The following CD53 variants were observed in gnomAD, a reference collection of about 807,000 sequenced individuals.
The protein encoded by CD53 is leukocyte surface antigen CD53.
CD53 carries 20 observed loss-of-function variants against 27.3 expected under a neutral mutation model. The observed-to-expected ratio is 0.73, with a 90% CI of 0.52 to 1.07. CD53 has a LOEUF of 1.07. Ranked by LOEUF, CD53 falls within the 50% of genes least tolerant of loss-of-function variation. The pLI, the probability that CD53 is intolerant of heterozygous loss-of-function variation, is 0.00. For synonymous variants in CD53, 106 were observed against 105.3 expected (o/e 1.01, Z -0.04); for missense variants, 216 against 264.0 (o/e 0.82, Z 1.26).
chr1:110,871,426 T>C (rs1024382671), upstream of CD53, among the ~76,000 whole-genome samples: 2 of 152,098 alleles, frequency 1.3e-5, no homozygotes, highest in African/African-American at 4.8e-5. Context: ...TGAACGTGGC[T>C]GAAAGGCCAG....
At chr1:110,888,690 A>G (rs557703757) in intron 1 of CD53, among the ~76,000 whole-genome samples, 1 of 152,334 alleles carries the variant, frequency 6.6e-6, no homozygotes, top group South Asian at 2.1e-4. Context: ...AGTTATCTCA[A>G]TATGTACAAA....
chr1:110,896,384 C>T (rs765635110), intron 5 of CD53, among the ~76,000 whole-genome samples: 32 of 152,286 alleles, frequency 2.1e-4, no homozygotes, highest in Non-Finnish European at 4.1e-4. Flanking sequence ...CTAATCCCTC[C>T]ATTATGCAGT....
At position 110,895,600 on chromosome 1, in the gene CD53, T is replaced by C. The variant is rs7516428; in HGVS notation, c.423+545T>C. ...AAACAGTACCACTATGAAAGCACGC[T>C]GGCTTAGTGTGGAGTAGAAGAAATG... On this transcript the variant is annotated intron_variant, in intron 5 of 7. Transcript: ENST00000271324. Among the ~76,000 whole-genome samples the C allele has an allele frequency of 2.8e-3, 428 of 152,320 alleles. 2 individuals carry two copies. The highest frequency in any genetic ancestry group is 9.9e-3 in the African/African-American group (411 of 41,572).
rs1557821729 is a variant in CD53 at position 110,896,822 on chromosome 1, T to G, written c.504+89T>G. The G allele has an allele frequency of 1.7e-5, 19 of 1,095,662 alleles. No homozygotes were observed. The South Asian group carries it at 2.5e-4, about 14-fold the overall frequency. 67.9% of individuals were successfully genotyped at this position (1,095,662 alleles called of 1,614,324 possible). On this transcript the variant is annotated intron_variant, in intron 6 of 7. Coordinates refer to ENST00000271324, the MANE Select transcript of CD53 (RefSeq NM_000560.4). ...ACTGCAGTCATAGAGGACCTAGACCTTCTATTGAGAAACAGGGGACCTTGA... is the reference window on the plus strand; with the variant it reads ...ACTGCAGTCATAGAGGACCTAGACCGTCTATTGAGAAACAGGGGACCTTGA...
chr1:110,892,623 C>A, intron 3 of CD53, 90 bp downstream of exon 3: 1 of 1,043,378 alleles, frequency 9.6e-7, no homozygotes, highest in Non-Finnish European at 1.4e-6. Context: ...CACTTATAGG[C>A]ACAGAAAGAT....
In CD53 at chr1:110,896,645, G is replaced by C; in HGVS notation, c.424-8G>C. On this transcript the variant is annotated splice_region_variant and splice_polypyrimidine_tract_variant and intron_variant, in intron 5 of 7. Transcript: ENST00000271324. ...TAACCATCATCATTTTGGGGGTTTGGCTTTTAGCTGCAGTGTTGTGGTATA... is the reference window on the plus strand; with the variant it reads ...TAACCATCATCATTTTGGGGGTTTGCCTTTTAGCTGCAGTGTTGTGGTATA... The C allele has an allele frequency of 6.2e-7, 1 of 1,611,276 alleles. No homozygotes were observed. The highest frequency in any genetic ancestry group is 1.7e-5 in the Admixed American group (1 of 59,226).
rs1157998051 is a variant in CD53 at position 110,899,002 on chromosome 1, AT to A, written c.589-121del. On this transcript the variant is annotated intron_variant, in intron 7 of 7. Transcript: ENST00000271324. ...AGCTCCTGAGAGAGACTTGAAAGTA[AT>A]GGTTGGAAGGGTGGTTTCAGTGTAA... The A allele has an allele frequency of 7.4e-5, 50 of 672,920 alleles. No individual in the cohort carries two copies. The Middle Eastern group carries it at 7.5e-4, about 10-fold the overall frequency. 41.7% of individuals were successfully genotyped at this position (672,920 alleles called of 1,614,324 possible).
chr1:110,885,210 T>C (rs1399694697), intron 1 of CD53, among the ~76,000 whole-genome samples: 1 of 152,216 alleles, frequency 6.6e-6, no homozygotes, highest in Non-Finnish European at 1.5e-5. Flanking sequence ...TTATTATTAA[T>C]GCAATGCAAT....
chr1:110,881,245 TCACCTCCTGCCCTCCCC>T (rs1656344689), intron 1 of CD53, among the ~76,000 whole-genome samples: 1 of 152,110 alleles, frequency 6.6e-6, no homozygotes, highest in Non-Finnish European at 1.5e-5. Context: ...CCCTCTCTAC[TCACCTCCTGCCCTCCCC>T]CACCTTCATC....
chr1:110,897,383 C>A (rs575494158), intron 6 of CD53, among the ~76,000 whole-genome samples: 109 of 152,332 alleles, frequency 7.2e-4, no homozygotes, highest in African/African-American at 2.5e-3. Context: ...CAACCACTGA[C>A]CAGCAACTGC....
Position 110,892,556 on chromosome 1 carries a change from G to A in CD53, c.252+23G>A, listed in dbSNP as rs747541774. ...TCGGTGAGTCCTTACAGCAGATGTG[G>A]TGCCCCAAGTCGGGGAGATGGTGCC... On this transcript the variant is annotated intron_variant, in intron 3 of 7. Transcript: ENST00000271324. 24 of 1,590,508 alleles carry A rather than the reference G, an allele frequency of 1.5e-5. 1 individual carries two copies. The South Asian group carries it at 2.6e-4, about 17-fold the overall frequency.
In CD53 at chr1:110,887,365, AT is replaced by A. The variant is rs541108934; in HGVS notation, c.-17-4020del. Among the ~76,000 whole-genome samples the A allele has an allele frequency of 2.3e-3, 343 of 152,134 alleles. 1 individual carries two copies. Among genetic ancestry groups the A allele is most frequent in the African/African-American group, 7.8e-3 (324 of 41,516 alleles). On this transcript the variant is annotated intron_variant, in intron 1 of 7. Transcript: ENST00000271324. Reference sequence around the variant, plus strand: ...AGGCGTGAGCCACCGCGCCCAGCCTATTTTTTTGAAAACATAGTATCTGGCT... The same window carrying A: ...AGGCGTGAGCCACCGCGCCCAGCCTATTTTTTGAAAACATAGTATCTGGCT...
chr1:110,882,069 CT>C (rs977127215), intron 1 of CD53, among the ~76,000 whole-genome samples: 2 of 152,142 alleles, frequency 1.3e-5, no homozygotes, highest in Admixed American at 1.3e-4. Flanking sequence ...TGTGCCTTGT[CT>C]TTTCATTCTC....
At chr1:110,892,214 G>A (rs1214729188) in intron 2 of CD53, 131 bp from the exon 3 acceptor site, 1 of 748,878 alleles carries the variant, frequency 1.3e-6, no homozygotes, top group South Asian at 1.5e-5. Flanking sequence ...GTTTGGTAAA[G>A]AAATTGTTCA....
rs754127453 is a variant in CD53 at position 110,899,439 on chromosome 1, T to C, written c.*244T>C. 6.0e-5 allele frequency: 24 copies of C among 400,942 alleles called. No individual in the cohort carries two copies. Among genetic ancestry groups the C allele is most frequent in the Admixed American group, 1.7e-4 (4 of 23,550 alleles). 24.8% of individuals were successfully genotyped at this position (400,942 alleles called of 1,614,324 possible). ...CTCTCAAAGTGGTGAAACTAATATC[T>C]GAGCATCTTTTAGACAAGAGAGGCA... On this transcript the variant is annotated 3_prime_UTR_variant, in exon 8 of 8. Transcript: ENST00000271324.
At chr1:110,897,532 T>G (rs570319504) in intron 6 of CD53, 6 of 289,132 alleles carry the variant, frequency 2.1e-5, no homozygotes, top group Non-Finnish European at 3.9e-5. Flanking sequence ...CGTCGGTTGC[T>G]GACCTGCCTC....
upstream of CD53, among the ~76,000 whole-genome samples, chr1:110,872,854 C>A (rs1656005265): frequency 6.6e-6 from 1 of 152,198 alleles, no homozygotes; most frequent in Non-Finnish European, 1.5e-5. Flanking sequence ...TGAGATGCCA[C>A]CTTGATTGAG....
intron 5 of CD53, among the ~76,000 whole-genome samples, chr1:110,896,415 A>T (rs973144001): frequency 2.0e-5 from 3 of 152,082 alleles, no homozygotes; most frequent in African/African-American, 7.2e-5. Context: ...CTTATTCTTG[A>T]TCTGTAAAAT....
chr1:110,898,075 T>C (rs796934531), intron 7 of CD53, among the ~76,000 whole-genome samples, 183 bp downstream of exon 7: 58 of 152,220 alleles, frequency 3.8e-4, no homozygotes, highest in African/African-American at 1.4e-3. Context: ...ATATAGAAAA[T>C]GTGCTATAAG....
Sources: gnomAD v4.1 joint callset for allele counts (sites outside exome capture counted in the v4.1 genomes callset) on GRCh38, gnomAD v4.1.1 for gene constraint, MANE v1.5 for transcripts, NCBI Gene and HGNC (gene_info 2026-07-23, HGNC 2026-07-21) for gene names.